The following CTNND2 variants were observed in gnomAD, a reference collection of about 807,000 sequenced individuals.
The protein encoded by CTNND2 is catenin delta-2.
A neutral mutation model predicts 144.4 loss-of-function variants in CTNND2; 22 were observed. The observed-to-expected ratio is 0.15, with a 90% CI of 0.11 to 0.22. The LOEUF (loss-of-function observed/expected upper bound fraction) is 0.22. Ranked by LOEUF, CTNND2 falls within the 10% of genes least tolerant of loss-of-function variation. The pLI is 1.00. For missense variants in CTNND2, 1,353 were observed against 1,618.8 expected, an observed-to-expected ratio of 0.84 and a Z score of 2.82; for synonymous variants, 751 against 695.6, an observed-to-expected ratio of 1.08 and a Z score of -1.25.
rs374005588 is a variant in CTNND2 at position 11,561,496 on chromosome 5, T to C, written c.287+3448A>G. On this transcript the variant is annotated intron_variant, in intron 3 of 21. Coordinates refer to ENST00000304623, the MANE Select transcript of CTNND2 (RefSeq NM_001332.4). ...AGTCTGAATTCTGGAAACTATGATA[T>C]GCATTTGGATGTTTAGGAAAGTCTG... Among the ~76,000 whole-genome samples the C allele has an allele frequency of 2.0e-4, 30 of 152,360 alleles. 1 individual carries two copies. In the South Asian group the frequency reaches 5.6e-3, roughly 28 times the overall value.
At chr5:11,628,940 A>T (rs1160307190) in intron 2 of CTNND2, among the ~76,000 whole-genome samples, 1 of 152,216 alleles carries the variant, frequency 6.6e-6, no homozygotes, top group Non-Finnish European at 1.5e-5. Flanking sequence ...TTTAGCAATT[A>T]GAAATGTCTA....
At chr5:11,101,352 A>G (rs1257177046) in intron 14 of CTNND2, among the ~76,000 whole-genome samples, 2 of 152,206 alleles carry the variant, frequency 1.3e-5, no homozygotes, top group African/African-American at 4.8e-5. Context: ...CTAGCTCATC[A>G]ACATCAACAA....
chr5:11,707,890 T>A (rs905769729), intron 2 of CTNND2, among the ~76,000 whole-genome samples: 2 of 152,202 alleles, frequency 1.3e-5, no homozygotes. Context: ...GGAGCCTCCA[T>A]TTCTACATCT....
intron 9 of CTNND2, among the ~76,000 whole-genome samples, chr5:11,290,824 A>G (rs1748256390): frequency 6.6e-6 from 1 of 152,164 alleles, no homozygotes; most frequent in South Asian, 2.1e-4. Flanking sequence ...GTTTTAACAT[A>G]AAGTAACCTT....
At chr5:11,819,327 G>A (rs529212273) in intron 1 of CTNND2, among the ~76,000 whole-genome samples, 39 of 152,156 alleles carry the variant, frequency 2.6e-4, no homozygotes, top group African/African-American at 8.9e-4. Flanking sequence ...CCAGCTACTC[G>A]GGAGGCTGAG....
At chr5:11,694,763 C>G (rs1785068997) in intron 2 of CTNND2, among the ~76,000 whole-genome samples, 1 of 152,200 alleles carries the variant, frequency 6.6e-6, no homozygotes, top group African/African-American at 2.4e-5. Context: ...TATCTCTCCT[C>G]TCTCCTTCTG....
chr5:11,902,491 T>C (rs544348472), intron 1 of CTNND2, among the ~76,000 whole-genome samples: 1 of 152,292 alleles, frequency 6.6e-6, no homozygotes, highest in Admixed American at 6.5e-5. Flanking sequence ...CCAGCTGGAC[T>C]GCCCTCGGTA....
chr5:11,599,831 TGA>T (rs1432092593), intron 2 of CTNND2, among the ~76,000 whole-genome samples: 5 of 152,118 alleles, frequency 3.3e-5, no homozygotes, highest in East Asian at 1.9e-4. Context: ...TCTAATTTCT[TGA>T]GAGTCTTATT....
chr5:11,463,511 T>C (rs556722883), intron 3 of CTNND2, among the ~76,000 whole-genome samples: 1 of 152,300 alleles, frequency 6.6e-6, no homozygotes, highest in African/African-American at 2.4e-5. Flanking sequence ...GGACCCTTGT[T>C]TGTGGCTACT....
intron 1 of CTNND2, among the ~76,000 whole-genome samples, chr5:11,864,771 C>G (rs984117486): frequency 6.6e-6 from 1 of 152,106 alleles, no homozygotes; most frequent in Non-Finnish European, 1.5e-5. Flanking sequence ...AAATGCCTCC[C>G]GTCAGTGCTC....
At chr5:11,550,017 T>C (rs150974733) in intron 3 of CTNND2, among the ~76,000 whole-genome samples, 99 of 152,288 alleles carry the variant, frequency 6.5e-4, no homozygotes, top group Non-Finnish European at 9.8e-4. Flanking sequence ...GTCATAAAGA[T>C]GTTATATATT....
chr5:11,004,967 T>C (rs1007770656), intron 18 of CTNND2, among the ~76,000 whole-genome samples: 5 of 151,758 alleles, frequency 3.3e-5, no homozygotes, highest in African/African-American at 1.2e-4. Flanking sequence ...GAGGGGAAGA[T>C]GAAGGAGAAA....
At chr5:11,095,786 AT>A (rs1285262301) in intron 15 of CTNND2, among the ~76,000 whole-genome samples, 5 of 151,468 alleles carry the variant, frequency 3.3e-5, no homozygotes, top group Admixed American at 6.6e-5. Context: ...CGCTTTTAGG[AT>A]TTTTTTTCTT....
At chr5:11,302,875 A>C (rs1252446051) in intron 9 of CTNND2, among the ~76,000 whole-genome samples, 1 of 152,166 alleles carries the variant, frequency 6.6e-6, no homozygotes, top group African/African-American at 2.4e-5. Context: ...TAGGAGGAGG[A>C]GGACCATTTC....
chr5:11,448,838 G>GGTTTTTTA (rs1765068403), intron 3 of CTNND2, among the ~76,000 whole-genome samples: 1 of 151,582 alleles, frequency 6.6e-6, no homozygotes, highest in African/African-American at 2.4e-5. Flanking sequence ...CTGGCTTTTT[G>GGTTTTTTA]TGTTTTTTTT....
chr5:11,367,567 C>T (rs141697304), intron 7 of CTNND2, among the ~76,000 whole-genome samples: 82 of 152,246 alleles, frequency 5.4e-4, no homozygotes, highest in Middle Eastern at 3.4e-3. Context: ...GAATCTCAAG[C>T]GTCACACTGG....
intron 16 of CTNND2, among the ~76,000 whole-genome samples, chr5:11,029,855 C>T (rs1465670978): frequency 1.3e-5 from 2 of 152,136 alleles, no homozygotes; most frequent in African/African-American, 2.4e-5. Context: ...CTACTAAGAT[C>T]TTTATTTCTT....
intron 2 of CTNND2, among the ~76,000 whole-genome samples, chr5:11,636,712 G>A (rs1297474925): frequency 6.6e-6 from 1 of 152,212 alleles, no homozygotes; most frequent in Non-Finnish European, 1.5e-5. Flanking sequence ...ATTAGAAAGT[G>A]TGTCATCTTG....
chr5:11,887,022 C>T (rs930968030), intron 1 of CTNND2, among the ~76,000 whole-genome samples: 111 of 116,878 alleles, frequency 9.5e-4, no homozygotes, highest in African/African-American at 3.6e-3. Context: ...CTCGCTCTGT[C>T]ACCCAGGCTG....
Sources: allele counts gnomAD v4.1 joint callset (sites outside exome capture counted in the v4.1 genomes callset), GRCh38; gene constraint gnomAD v4.1.1; transcripts MANE v1.5; gene names NCBI Gene and HGNC (gene_info 2026-07-23, HGNC 2026-07-21).